PPHLN1: variants seen among roughly 807,000 people sequenced by gnomAD.
The protein encoded by PPHLN1 is periphilin-1.
PPHLN1 carries 29 observed loss-of-function variants against 51.3 expected under a neutral mutation model. The ratio of observed to expected loss-of-function variants is 0.57; its 90% CI spans 0.42 to 0.77. PPHLN1 has a LOEUF of 0.77. PPHLN1 is among the 30% of genes least tolerant of loss of function. The pLI is 0.00. For synonymous variants in PPHLN1, 147 were observed against 147.8 expected (o/e 0.99, Z 0.04); for missense variants, 436 against 438.4 (o/e 0.99, Z 0.05).
chr12:42,392,941 C>T (rs1400804394), intron 7 of PPHLN1, among the ~76,000 whole-genome samples: 7 of 152,044 alleles, frequency 4.6e-5, no homozygotes, highest in African/African-American at 1.2e-4. Flanking sequence ...CTCATGGTGT[C>T]GTAAGTTAGG....
intron 9 of PPHLN1, chr12:42,400,482 A>AAAG (rs1555208910): frequency 4.2e-4 from 64 of 151,890 alleles, no homozygotes; most frequent in African/African-American, 1.5e-3. Flanking sequence ...AAAAAAAAAA[A>AAAG]AAAGAAATAC....
intron 4 of PPHLN1, 35 bp downstream of exon 4, chr12:42,355,257 A>G: frequency 6.4e-7 from 1 of 1,553,950 alleles, no homozygotes; most frequent in Non-Finnish European, 8.9e-7. Context: ...AAGTACTTTG[A>G]TACTTGACTC....
At chr12:42,367,817 C>G (rs1311976466) in intron 4 of PPHLN1, among the ~76,000 whole-genome samples, 1 of 152,134 alleles carries the variant, frequency 6.6e-6, no homozygotes, top group East Asian at 1.9e-4. Flanking sequence ...TCACTGTAAC[C>G]TCCGCCTCCT....
intron 2 of PPHLN1, among the ~76,000 whole-genome samples, chr12:42,342,296 T>C (rs10880291): frequency 0.16 from 24,689 of 152,142 alleles, 2,054 homozygotes; most frequent in Admixed American, 0.2. Flanking sequence ...TGCTATGTCA[T>C]CCAGCTGAAG....
chr12:42,447,734 A>G (rs1207045869), downstream of PPHLN1: 1 of 152,172 alleles, frequency 6.6e-6, no homozygotes, highest in African/African-American at 2.4e-5. Flanking sequence ...TACCTACCCT[A>G]GAGTACATAA....
Position 42,374,941 on chromosome 12 carries a change from C to T in PPHLN1, c.378C>T (p.Asp126=). 1 of 1,613,116 alleles carries T rather than the reference C, an allele frequency of 6.2e-7. No homozygotes were observed. Residue 126 remains aspartate, a synonymous_variant, in exon 5 of 10, where the codon GAC becomes GAT. Transcript: ENST00000358314. ...YARERSPYKR[D]NTFFRESPVG... ...GAGAGCGGTCTCCTTATAAAAGGGA[C>T]AATACTTTTTTCAGAGAATCACCTG...
chr12:42,393,812 T>A, intron 8 of PPHLN1, 123 bp downstream of exon 8: 1 of 920,802 alleles, frequency 1.1e-6, no homozygotes, highest in Non-Finnish European at 1.5e-6. Flanking sequence ...TTACAGGTAT[T>A]AAAATTACCA....
intron 4 of PPHLN1, among the ~76,000 whole-genome samples, chr12:42,364,617 C>CT (rs2075065329): frequency 6.6e-6 from 1 of 152,038 alleles, no homozygotes; most frequent in Non-Finnish European, 1.5e-5. Context: ...GAGTGAGACT[C>CT]TGTCTCAAAA....
At chr12:42,328,077 T>C (rs530072216) in intron 1 of PPHLN1, among the ~76,000 whole-genome samples, 4 of 152,266 alleles carry the variant, frequency 2.6e-5, no homozygotes, top group Admixed American at 6.5e-5. Context: ...TATCAGTCAC[T>C]AGTTTGGAAT....
intron 3 of PPHLN1, among the ~76,000 whole-genome samples, chr12:42,354,454 C>A (rs1174144666): frequency 6.6e-6 from 1 of 152,104 alleles, no homozygotes; most frequent in South Asian, 2.1e-4. Context: ...AAGTGATACA[C>A]CCTCCTTGGC....
Position 42,389,257 on chromosome 12 carries a change from C to CA in PPHLN1, c.648+1723dup, listed in dbSNP as rs2077467636. On this transcript the variant is annotated intron_variant, in intron 7 of 9. Coordinates refer to ENST00000358314, the MANE Select transcript of PPHLN1 (RefSeq NM_201439.2). ...CCGTGGTGGCAGGCGCCTGTAGTCC[C>CA]AGCTACGTAGGAGGCTGAGGCAGGA... Among the ~76,000 whole-genome samples, 3 of 152,246 alleles carry CA rather than the reference C, an allele frequency of 2.0e-5. No individual in the cohort carries two copies. The South Asian group carries it at 6.2e-4, about 32-fold the overall frequency.
intron 4 of PPHLN1, among the ~76,000 whole-genome samples, chr12:42,360,747 C>G (rs1042514091): frequency 6.6e-6 from 1 of 152,064 alleles, no homozygotes; most frequent in African/African-American, 2.4e-5. Flanking sequence ...CCCACCTTGG[C>G]CTCCCAAAGT....
downstream of PPHLN1, chr12:42,446,785 G>A: frequency 1.6e-5 from 12 of 754,844 alleles, no homozygotes; most frequent in South Asian, 1.2e-4. Context: ...AGCTTCAGGA[G>A]AGAATAAAGC....
At chr12:42,338,352 G>T (rs1014933163) in intron 2 of PPHLN1, among the ~76,000 whole-genome samples, 1 of 152,220 alleles carries the variant, frequency 6.6e-6, no homozygotes, top group East Asian at 1.9e-4. Flanking sequence ...GGGAAAGCAG[G>T]TTATTGTATC....
intron 4 of PPHLN1, among the ~76,000 whole-genome samples, chr12:42,358,133 C>T (rs114565199): frequency 0.013 from 1,954 of 152,140 alleles, 48 homozygotes; most frequent in African/African-American, 0.045. Context: ...CATCCATTGA[C>T]GGACATTTAG....
At chr12:42,416,057 A>G (rs2080354057) in intron 9 of PPHLN1, among the ~76,000 whole-genome samples, 1 of 152,200 alleles carries the variant, frequency 6.6e-6, no homozygotes. Flanking sequence ...GTTCTACATA[A>G]AGGTGAATGA....
intron 2 of PPHLN1, among the ~76,000 whole-genome samples, chr12:42,336,992 G>T (rs1247022497): frequency 6.6e-6 from 1 of 152,138 alleles, no homozygotes; most frequent in Admixed American, 6.5e-5. Context: ...GATTTAAAAT[G>T]ATTTAAGATG....
At chr12:42,432,316 C>A in intron 9 of PPHLN1, 2 of 743,060 alleles carry the variant, frequency 2.7e-6, no homozygotes, top group South Asian at 3.0e-5. Context: ...GTTATGGCTG[C>A]TCATTAATCT....
intron 3 of PPHLN1, among the ~76,000 whole-genome samples, chr12:42,352,732 C>T (rs1440172860): frequency 6.6e-6 from 1 of 152,060 alleles, no homozygotes; most frequent in East Asian, 1.9e-4. Flanking sequence ...CACTCCCAGC[C>T]TAAAGTCTAT....
Sources: gnomAD v4.1 joint callset for allele counts (sites outside exome capture counted in the v4.1 genomes callset) on GRCh38, gnomAD v4.1.1 for gene constraint, MANE v1.5 for transcripts, NCBI Gene and HGNC (gene_info 2026-07-23, HGNC 2026-07-21) for gene names.